OPHN1: variants seen among roughly 807,000 people sequenced by gnomAD.
OPHN1 encodes the protein oligophrenin 1.
A neutral mutation model predicts 60.7 loss-of-function variants in OPHN1; 11 were observed. The ratio of observed to expected loss-of-function variants is 0.18; its 90% CI spans 0.11 to 0.30. The LOEUF (loss-of-function observed/expected upper bound fraction) is 0.30. Ranked by LOEUF, OPHN1 falls within the 10% of genes least tolerant of loss-of-function variation. The pLI is 1.00. For synonymous variants in OPHN1, 226 were observed against 222.6 expected, an observed-to-expected ratio of 1.02 and a Z score of -0.14; for missense variants, 449 against 611.0, an observed-to-expected ratio of 0.73 and a Z score of 2.80.
At chrX:68,126,362 G>T (rs2077171777) in intron 15 of OPHN1, among the ~76,000 whole-genome samples, 1 of 110,802 alleles carries the variant, frequency 9.0e-6, no homozygotes, top group African/African-American at 3.3e-5. Flanking sequence ...ATAGCATATT[G>T]GTCTACATTT....
chrX:68,212,581 A>T (rs1313604388), intron 7 of OPHN1, among the ~76,000 whole-genome samples: 1 of 111,495 alleles, frequency 9.0e-6, no homozygotes, highest in Non-Finnish European at 1.9e-5. Flanking sequence ...AGACTGTCTC[A>T]AAAAAACAAA....
At chrX:68,322,983 G>A (rs141002552) in intron 2 of OPHN1, among the ~76,000 whole-genome samples, 52 of 111,688 alleles carry the variant, frequency 4.7e-4, no homozygotes, top group Admixed American at 5.7e-4. Context: ...TAGAAATGGA[G>A]AGCATGTTCT....
Position 68,251,374 on chromosome X carries a change from C to T in OPHN1, c.385-16786G>A, listed in dbSNP as rs138551289. ...TTAATTTTTGTATTTTTAGTAGAGA[C>T]GGGATTTCACCATGTTGGCCAAGAT... On this transcript the variant is annotated intron_variant, in intron 5 of 24. Coordinates refer to ENST00000355520, the MANE Select transcript of OPHN1 (RefSeq NM_002547.3). Among the ~76,000 whole-genome samples, 533 of 108,165 alleles carry T rather than the reference C, an allele frequency of 4.9e-3. 3 individuals are homozygous for T. Among genetic ancestry groups the T allele is most frequent in the Non-Finnish European group, 7.8e-3 (410 of 52,313 alleles). The allele number at this position is 108,165 out of a possible 115,157, so 93.9% of individuals were successfully genotyped here. A position where few individuals can be genotyped will look rare whatever the true frequency, so the allele number is the denominator to read the frequency against.
intron 5 of OPHN1, among the ~76,000 whole-genome samples, chrX:68,249,912 G>A (rs1191240737): frequency 8.9e-6 from 1 of 112,093 alleles, no homozygotes; most frequent in East Asian, 2.8e-4. Context: ...GGGGTGTCAA[G>A]AGAAAAAATA....
At chrX:68,296,119 G>A (rs988393967) in intron 3 of OPHN1, among the ~76,000 whole-genome samples, 5 of 111,347 alleles carry the variant, frequency 4.5e-5, no homozygotes, top group African/African-American at 1.6e-4. Context: ...CTCAGCCTCA[G>A]CTGTTGGAGT....
chrX:68,266,738 G>T (rs1288762495), intron 5 of OPHN1, among the ~76,000 whole-genome samples: 4 of 111,313 alleles, frequency 3.6e-5, no homozygotes, highest in Non-Finnish European at 7.5e-5. Context: ...CTGGCAAATT[G>T]GATAAAGAGT....
chrX:68,290,598 C>CAA (rs375557061), intron 3 of OPHN1, among the ~76,000 whole-genome samples: 6 of 93,008 alleles, frequency 6.5e-5, no homozygotes, highest in East Asian at 3.5e-4. Context: ...GACTCCATCT[C>CAA]AAAAAAAAAA....
intron 18 of OPHN1, among the ~76,000 whole-genome samples, chrX:68,109,267 T>C (rs1477754844): frequency 2.7e-5 from 3 of 111,875 alleles, no homozygotes; most frequent in Non-Finnish European, 5.6e-5. Context: ...TGAAATCATA[T>C]AAAATATGTA....
chrX:68,302,109 C>T (rs1488683082), intron 2 of OPHN1, among the ~76,000 whole-genome samples: 1 of 111,807 alleles, frequency 8.9e-6, no homozygotes, highest in Non-Finnish European at 1.9e-5. Flanking sequence ...GTAAATATAC[C>T]ACAATGTGTT....
rs757449921 is a variant in OPHN1, at chrX:68,192,888, C to T, written c.1276+31G>A. ...TTTCTTTGTAACACATAAAGTACTC[C>T]CAATAAGAATTATCAAAGTAAAATT... On this transcript the variant is annotated intron_variant, in intron 15 of 24. Transcript: ENST00000355520. 15 of 1,083,108 alleles carry T rather than the reference C, an allele frequency of 1.4e-5. No individual in the cohort carries two copies. In the African/African-American group the frequency reaches 1.6e-4, roughly 12 times the overall value. The allele number at this position is 1,083,108 out of a possible 1,213,427, so 89.3% of individuals were successfully genotyped here. A position where few individuals can be genotyped will look rare whatever the true frequency, so the allele number is the denominator to read the frequency against.
chrX:68,392,365 TG>T (rs1184244217), intron 2 of OPHN1, among the ~76,000 whole-genome samples: 2 of 111,479 alleles, frequency 1.8e-5, no homozygotes, highest in African/African-American at 6.5e-5. Flanking sequence ...TTCCGGTCAA[TG>T]GTAAGCTATT....
At chrX:68,238,948 GGA>G (rs1318757202) in intron 5 of OPHN1, among the ~76,000 whole-genome samples, 1 of 111,733 alleles carries the variant, frequency 8.9e-6, no homozygotes, top group Non-Finnish European at 1.9e-5. Flanking sequence ...CTTATCACAA[GGA>G]GAGAGGGCTT....
At chrX:68,150,349 T>C (rs1247272838) in intron 15 of OPHN1, among the ~76,000 whole-genome samples, 2 of 111,834 alleles carry the variant, frequency 1.8e-5, no homozygotes, top group African/African-American at 6.5e-5. Context: ...CACTGAAATA[T>C]GTAAGAATCA....
intron 2 of OPHN1, among the ~76,000 whole-genome samples, chrX:68,336,228 T>G (rs1000866785): frequency 9.0e-6 from 1 of 110,758 alleles, no homozygotes; most frequent in Non-Finnish European, 1.9e-5. Flanking sequence ...TTTATAATTA[T>G]AAAAGACAGT....
At chrX:68,261,851 A>G (rs927823391) in intron 5 of OPHN1, among the ~76,000 whole-genome samples, 3 of 111,596 alleles carry the variant, frequency 2.7e-5, no homozygotes, top group Non-Finnish European at 5.6e-5. Flanking sequence ...GCCACTGTCA[A>G]ATAAGTCTAT....
chrX:68,117,071 G>C (rs2077130163), intron 16 of OPHN1, among the ~76,000 whole-genome samples: 1 of 110,956 alleles, frequency 9.0e-6, no homozygotes, highest in African/African-American at 3.3e-5. Context: ...TTTCAATATA[G>C]TCCCATTACT....
intron 6 of OPHN1, among the ~76,000 whole-genome samples, chrX:68,227,331 A>G (rs979267669): frequency 2.7e-5 from 3 of 111,085 alleles, no homozygotes; most frequent in Non-Finnish European, 5.7e-5. Flanking sequence ...CCCCACTGTC[A>G]ACATTAAACA....
chrX:68,168,011 G>C (rs11094070), intron 15 of OPHN1, among the ~76,000 whole-genome samples: 38,538 of 109,496 alleles, frequency 0.35, 5,655 homozygotes, highest in African/African-American at 0.53. Context: ...AGTTATTTAT[G>C]AGATCTAAAA....
At chrX:68,378,968 A>G (rs2078578338) in intron 2 of OPHN1, among the ~76,000 whole-genome samples, 1 of 110,932 alleles carries the variant, frequency 9.0e-6, no homozygotes, top group Non-Finnish European at 1.9e-5. Flanking sequence ...AATTCTGTGA[A>G]GAAAGTCATT....
Sources: allele counts gnomAD v4.1 joint callset (sites outside exome capture counted in the v4.1 genomes callset), GRCh38; gene constraint gnomAD v4.1.1; transcripts MANE v1.5; gene names NCBI Gene and HGNC (gene_info 2026-07-23, HGNC 2026-07-21).